Variants in RASAL2 observed in about 807,000 individuals in gnomAD.
The protein encoded by RASAL2 is RAS protein activator like 2.
RASAL2 carries 58 observed loss-of-function variants against 128.9 expected under a neutral mutation model. The ratio of observed to expected loss-of-function variants is 0.45; its 90% confidence interval spans 0.36 to 0.56. RASAL2 has a LOEUF of 0.56. Among genes scored for constraint, RASAL2 ranks in the 20% least tolerant of loss-of-function variants. The pLI is 0.00. For missense variants in RASAL2, 1,360 were observed against 1,601.6 expected (o/e 0.85, Z 2.57); for synonymous variants, 561 against 580.8 (o/e 0.97, Z 0.49).
At chr1:178,358,250 A>T (rs1670917455) in intron 3 of RASAL2, among the ~76,000 whole-genome samples, 2 of 150,038 alleles carry the variant, frequency 1.3e-5, no homozygotes, top group Admixed American at 6.6e-5. Flanking sequence ...AAAAAAAAAA[A>T]AAAAAAAAAA....
At chr1:178,266,986 G>A (rs1665987012) in intron 1 of RASAL2, among the ~76,000 whole-genome samples, 1 of 152,118 alleles carries the variant, frequency 6.6e-6, no homozygotes, top group African/African-American at 2.4e-5. Context: ...TATATCAAAG[G>A]TTTCCAGCCC....
chr1:178,230,159 G>A (rs1172639542), intron 1 of RASAL2, among the ~76,000 whole-genome samples: 2 of 152,082 alleles, frequency 1.3e-5, no homozygotes, highest in African/African-American at 2.4e-5. Flanking sequence ...TGGCTGAGTA[G>A]TATTCCATTG....
intron 3 of RASAL2, among the ~76,000 whole-genome samples, chr1:178,328,991 A>G (rs985494248): frequency 1.3e-5 from 2 of 152,144 alleles, no homozygotes; most frequent in Non-Finnish European, 2.9e-5. Context: ...TGCCTAACCT[A>G]GGGAGTACAG....
chr1:178,427,958 CTAATT>C (rs1197560368), intron 5 of RASAL2, among the ~76,000 whole-genome samples: 2 of 151,980 alleles, frequency 1.3e-5, no homozygotes, highest in Non-Finnish European at 2.9e-5. Context: ...TAAAGAACTA[CTAATT>C]TGTTTCCTGT....
intron 1 of RASAL2, among the ~76,000 whole-genome samples, chr1:178,246,992 A>C (rs972012700): frequency 1.3e-5 from 2 of 152,192 alleles, no homozygotes; most frequent in Non-Finnish European, 2.9e-5. Context: ...GGATTATCAC[A>C]TCGATGTTCA....
At chr1:178,348,564 G>T (rs1424651131) in intron 3 of RASAL2, among the ~76,000 whole-genome samples, 1 of 152,142 alleles carries the variant, frequency 6.6e-6, no homozygotes, top group African/African-American at 2.4e-5. Flanking sequence ...CTCCCAAAGG[G>T]CTGGGATTAC....
At chr1:178,376,602 G>A (rs1332356408) in intron 3 of RASAL2, among the ~76,000 whole-genome samples, 2 of 152,114 alleles carry the variant, frequency 1.3e-5, no homozygotes, top group African/African-American at 2.4e-5. Context: ...ATGGAATGTA[G>A]GGAAGATGGG....
chr1:178,451,520 T>C (rs773245311), intron 9 of RASAL2, 51 bp from the exon 10 acceptor site: 11 of 1,567,486 alleles, frequency 7.0e-6, no homozygotes, highest in Non-Finnish European at 8.7e-6. Flanking sequence ...TTTTATTCTA[T>C]TCAGGAAGAC....
chr1:178,095,961 G>A (rs1439355328), intron 1 of RASAL2, among the ~76,000 whole-genome samples: 1 of 152,142 alleles, frequency 6.6e-6, no homozygotes, highest in East Asian at 1.9e-4. Context: ...AGTTCTTAAG[G>A]ATTTGTGTAC....
intron 3 of RASAL2, among the ~76,000 whole-genome samples, chr1:178,359,251 A>G (rs1199639403): frequency 6.6e-6 from 1 of 152,212 alleles, no homozygotes; most frequent in Non-Finnish European, 1.5e-5. Context: ...AAATACATTA[A>G]TAAAAGGCCA....
At chr1:178,379,711 A>G (rs1329201699) in intron 3 of RASAL2, among the ~76,000 whole-genome samples, 1 of 152,198 alleles carries the variant, frequency 6.6e-6, no homozygotes, top group Non-Finnish European at 1.5e-5. Flanking sequence ...TTTAAGTCTT[A>G]CATCCTTTGT....
chr1:178,136,243 CAGAG>C (rs1413948258), intron 1 of RASAL2, among the ~76,000 whole-genome samples: 1 of 152,086 alleles, frequency 6.6e-6, no homozygotes, highest in Non-Finnish European at 1.5e-5. Context: ...TTCTTTCAAA[CAGAG>C]AGGCAATATA....
intron 3 of RASAL2, among the ~76,000 whole-genome samples, chr1:178,383,730 T>C (rs774793060): frequency 6.6e-6 from 1 of 152,226 alleles, no homozygotes; most frequent in African/African-American, 2.4e-5. Context: ...GTGCATCCTA[T>C]GGAAGAAGAA....
intron 1 of RASAL2, among the ~76,000 whole-genome samples, chr1:178,124,132 G>T (rs1022535802): frequency 1.3e-5 from 2 of 152,072 alleles, no homozygotes; most frequent in African/African-American, 4.8e-5. Flanking sequence ...CAGGGCTTTG[G>T]GCATAAAATT....
intron 3 of RASAL2, among the ~76,000 whole-genome samples, chr1:178,361,951 G>A (rs1375979904): frequency 6.6e-6 from 1 of 151,844 alleles, no homozygotes; most frequent in African/African-American, 2.4e-5. Context: ...TTGCATGTAC[G>A]GTTTACAATA....
chr1:178,232,899 C>T (rs867331001), intron 1 of RASAL2, among the ~76,000 whole-genome samples: 4 of 152,112 alleles, frequency 2.6e-5, no homozygotes, highest in Non-Finnish European at 5.9e-5. Context: ...CACTTAACTA[C>T]TACTGGTCCA....
intron 3 of RASAL2, among the ~76,000 whole-genome samples, chr1:178,309,911 A>G (rs555018394): frequency 1.0e-3 from 136 of 136,338 alleles, no homozygotes; most frequent in African/African-American, 4.6e-3. Flanking sequence ...TACAACAGGC[A>G]TGTTGGGTGT....
intron 14 of RASAL2, 57 bp from the exon 15 acceptor site, chr1:178,464,220 GA>G: frequency 1.3e-6 from 2 of 1,511,698 alleles, no homozygotes; most frequent in Non-Finnish European, 1.8e-6. Context: ...AGCTGTTTGT[GA>G]AACATAGCAC....
chr1:178,363,932 T>TA (rs1671258671), intron 3 of RASAL2, among the ~76,000 whole-genome samples: 1 of 152,008 alleles, frequency 6.6e-6, no homozygotes, highest in African/African-American at 2.4e-5. Flanking sequence ...CCATCTCTAC[T>TA]AAAAATACAA....
Sources: allele counts gnomAD v4.1 joint callset (sites outside exome capture counted in the v4.1 genomes callset), GRCh38; gene constraint gnomAD v4.1.1; transcripts MANE v1.5; gene names NCBI Gene and HGNC (gene_info 2026-07-23, HGNC 2026-07-21).